The following CSTPP1 variants were observed in gnomAD, a reference collection of about 807,000 sequenced individuals.
The protein encoded by CSTPP1 is centriolar satellite-associated tubulin polyglutamylase complex regulator 1.
At chr11:46,949,528 G>C in the CSTPP1 span, among the ~76,000 whole-genome samples, 5 of 151,986 alleles carry the variant, frequency 3.3e-5, no homozygotes, top group African/African-American at 1.2e-4. Context: ...GGACTGTTTT[G>C]ACCTTTGTTC....
At chr11:46,966,374 G>T in the CSTPP1 span, among the ~76,000 whole-genome samples, 9 of 152,154 alleles carry the variant, frequency 5.9e-5, no homozygotes, top group Non-Finnish European at 1.2e-4. Flanking sequence ...AAGCTCTCAG[G>T]CTCATGGATG....
the CSTPP1 span, among the ~76,000 whole-genome samples, chr11:46,993,060 C>T: frequency 1.3e-5 from 2 of 152,172 alleles, no homozygotes; most frequent in Non-Finnish European, 2.9e-5. Context: ...TGTTCGTATC[C>T]TTTGCCCACT....
At chr11:47,161,851 C>T in the CSTPP1 span, 1 of 1,355,254 alleles carries the variant, frequency 7.4e-7, no homozygotes, top group Non-Finnish European at 9.5e-7. Context: ...CCCTATCAGC[C>T]TGTGAACTTC....
the CSTPP1 span, among the ~76,000 whole-genome samples, chr11:47,080,680 T>G: frequency 1.3e-5 from 2 of 151,916 alleles, no homozygotes; most frequent in African/African-American, 4.8e-5. Flanking sequence ...GCAAGGTAGA[T>G]GGACAAAATA....
the CSTPP1 span, among the ~76,000 whole-genome samples, chr11:46,941,337 A>AT: frequency 5.4e-4 from 81 of 149,086 alleles, 1 homozygote; most frequent in East Asian, 5.7e-3. Context: ...TTCACCCTCA[A>AT]TTTTTTTTTT....
the CSTPP1 span, among the ~76,000 whole-genome samples, chr11:46,939,499 T>A: frequency 6.6e-6 from 1 of 152,110 alleles, no homozygotes; most frequent in Admixed American, 6.6e-5. Context: ...TGATTCAAAG[T>A]ATTTTTTAGG....
the CSTPP1 span, among the ~76,000 whole-genome samples, chr11:47,062,020 C>T: frequency 2.0e-5 from 3 of 152,120 alleles, no homozygotes; most frequent in Non-Finnish European, 2.9e-5. Context: ...CTCAACCCTC[C>T]ATACATAATA....
chr11:46,971,758 A>C, the CSTPP1 span, among the ~76,000 whole-genome samples: 1 of 152,180 alleles, frequency 6.6e-6, no homozygotes, highest in Non-Finnish European at 1.5e-5. Flanking sequence ...CACCCTGGGC[A>C]ACACAGTGAG....
At chr11:46,974,503 G>A in the CSTPP1 span, among the ~76,000 whole-genome samples, 1 of 146,286 alleles carries the variant, frequency 6.8e-6, no homozygotes, top group Non-Finnish European at 1.5e-5. Flanking sequence ...CTCCAGCCTG[G>A]GCAAAAGAGC....
At chr11:46,960,141 A>G in the CSTPP1 span, among the ~76,000 whole-genome samples, 3 of 152,178 alleles carry the variant, frequency 2.0e-5, no homozygotes, top group Non-Finnish European at 2.9e-5. Context: ...TGCTGGGATT[A>G]TAGGCGTGAG....
At chr11:46,974,394 G>T in the CSTPP1 span, among the ~76,000 whole-genome samples, 1 of 151,952 alleles carries the variant, frequency 6.6e-6, no homozygotes, top group East Asian at 1.9e-4. Context: ...CAGGCGTGGT[G>T]CCAGGCGCCT....
At chr11:47,003,803 C>T in the CSTPP1 span, among the ~76,000 whole-genome samples, 2 of 152,188 alleles carry the variant, frequency 1.3e-5, no homozygotes, top group African/African-American at 4.8e-5. Flanking sequence ...CCTGGGTGGC[C>T]GTAGAAGCAG....
the CSTPP1 span, among the ~76,000 whole-genome samples, chr11:47,063,626 T>C: frequency 8.9e-4 from 136 of 152,342 alleles, no homozygotes; most frequent in African/African-American, 3.2e-3. Flanking sequence ...GTTTTCAAAG[T>C]GCATCCATGT....
chr11:47,120,401 C>T, the CSTPP1 span, among the ~76,000 whole-genome samples: 1 of 152,162 alleles, frequency 6.6e-6, no homozygotes, highest in Non-Finnish European at 1.5e-5. The surrounding 1 kb of genome is among the most constrained non-coding windows in gnomAD (Gnocchi z 4.2). Context: ...GAGCAAGCCA[C>T]TTACTCTTTA....
At chr11:46,946,592 A>G in the CSTPP1 span, among the ~76,000 whole-genome samples, 4 of 152,242 alleles carry the variant, frequency 2.6e-5, no homozygotes, top group Non-Finnish European at 5.9e-5. Context: ...CGGGAGGCGG[A>G]GCTTGCAGTG....
chr11:47,098,491 G>T, the CSTPP1 span, among the ~76,000 whole-genome samples: 4 of 150,596 alleles, frequency 2.7e-5, no homozygotes, highest in African/African-American at 9.7e-5. Flanking sequence ...CAAAAGAAAT[G>T]ATTGTTTTCT....
chr11:47,138,820 A>C, the CSTPP1 span, among the ~76,000 whole-genome samples: 4 of 152,046 alleles, frequency 2.6e-5, no homozygotes, highest in Non-Finnish European at 5.9e-5. Flanking sequence ...TCTACTAAAA[A>C]TACAAAAAAT....
chr11:46,988,956 G>A, the CSTPP1 span, among the ~76,000 whole-genome samples: 62 of 152,228 alleles, frequency 4.1e-4, 3 homozygotes, highest in African/African-American at 1.4e-3. Flanking sequence ...CCTAGGCCAG[G>A]CATGGTGGCT....
chr11:47,044,018 G>T, the CSTPP1 span, among the ~76,000 whole-genome samples: 1 of 151,980 alleles, frequency 6.6e-6, no homozygotes, highest in Non-Finnish European at 1.5e-5. Context: ...ATGGAGTCTC[G>T]CTCTGTCACC....
Sources: gnomAD v4.1 joint callset for allele counts (sites outside exome capture counted in the v4.1 genomes callset) on GRCh38, gnomAD v4.1.1 for gene constraint, Gnocchi (gnomAD v3.1) non-coding constraint, MANE v1.5 for transcripts, NCBI Gene and HGNC (gene_info 2026-07-23, HGNC 2026-07-21) for gene names.